MAML3: variants seen among roughly 807,000 people sequenced by gnomAD.
MAML3 encodes the protein mastermind like transcriptional coactivator 3, also known as mastermind-like protein 3.
A neutral mutation model predicts 101.9 loss-of-function variants in MAML3; 27 were observed. That is an observed-to-expected ratio of 0.27 (90% CI 0.20 to 0.37). The LOEUF (loss-of-function observed/expected upper bound fraction) is 0.37. Among genes scored for constraint, MAML3 ranks in the 10% least tolerant of loss-of-function variants. The probability of loss-of-function intolerance (pLI) is 1.00; values close to 1 mark genes in which losing one functional copy is unlikely to be tolerated. For synonymous variants in MAML3, 501 were observed against 555.9 expected (o/e 0.90, Z 1.39); for missense variants, 1,316 against 1,444.9 (o/e 0.91, Z 1.45).
At chr4:139,806,123 A>C (rs549789368) in intron 2 of MAML3, among the ~76,000 whole-genome samples, 5 of 152,324 alleles carry the variant, frequency 3.3e-5, no homozygotes, top group Admixed American at 2.0e-4. Flanking sequence ...GTATAAAATA[A>C]TTAGAAGTTA....
Position 139,880,681 on chromosome 4 carries a change from T to G in MAML3, c.2079+8676A>C, listed in dbSNP as rs142067186. On this transcript the variant is annotated intron_variant, in intron 2 of 4. Coordinates refer to ENST00000509479, the MANE Select transcript of MAML3 (RefSeq NM_018717.5). Reference sequence around the variant, plus strand: ...TGTAAATTTTGTGTTAAGAGAGCACTTTTGGTTTTGTGAAACCCACTCTAT... The same window carrying G: ...TGTAAATTTTGTGTTAAGAGAGCACGTTTGGTTTTGTGAAACCCACTCTAT... Among the ~76,000 whole-genome samples, 459 of 152,320 alleles carry G rather than the reference T, an allele frequency of 3.0e-3. 2 individuals carry two copies. Among genetic ancestry groups the G allele is most frequent in the African/African-American group, 0.011 (443 of 41,564 alleles).
At chr4:140,118,294 C>T (rs2111020749) in intron 1 of MAML3, among the ~76,000 whole-genome samples, 1 of 152,152 alleles carries the variant, frequency 6.6e-6, no homozygotes, top group South Asian at 2.1e-4. Context: ...TTTATCCAGT[C>T]ACTTAGCCTC....
intron 1 of MAML3, among the ~76,000 whole-genome samples, chr4:140,049,084 T>C (rs1160431040): frequency 5.3e-5 from 8 of 152,062 alleles, no homozygotes; most frequent in South Asian, 2.1e-4. Flanking sequence ...ACAGGCAGTT[T>C]GGGGGCAGAA....
At chr4:139,998,451 T>C (rs566142612) in intron 1 of MAML3, among the ~76,000 whole-genome samples, 30 of 152,342 alleles carry the variant, frequency 2.0e-4, no homozygotes, top group Middle Eastern at 3.4e-3. Context: ...CATGGTTTCT[T>C]CCAGATCTTG....
chr4:139,927,657 T>C (rs1169573597), intron 1 of MAML3, among the ~76,000 whole-genome samples: 3 of 152,258 alleles, frequency 2.0e-5, no homozygotes, highest in East Asian at 3.8e-4. Flanking sequence ...AACTATGGAC[T>C]TCTGGCTATT....
chr4:140,124,731 C>T (rs1728659203), intron 1 of MAML3, among the ~76,000 whole-genome samples: 1 of 152,182 alleles, frequency 6.6e-6, no homozygotes, highest in African/African-American at 2.4e-5. Context: ...AGTTGGCCCT[C>T]CTTTGCAGTC....
intron 1 of MAML3, among the ~76,000 whole-genome samples, chr4:140,125,215 T>C (rs543652750): frequency 6.6e-6 from 1 of 152,314 alleles, no homozygotes; most frequent in South Asian, 2.1e-4. Flanking sequence ...AAGAACATTT[T>C]AAAATAAAAG....
chr4:140,076,180 A>G (rs1727762439), intron 1 of MAML3, among the ~76,000 whole-genome samples: 1 of 151,448 alleles, frequency 6.6e-6, no homozygotes, highest in Non-Finnish European at 1.5e-5. Context: ...TTATATATAT[A>G]TAATATAATA....
chr4:139,896,956 G>A (rs1056802770), intron 1 of MAML3, among the ~76,000 whole-genome samples: 6 of 152,100 alleles, frequency 3.9e-5, no homozygotes, highest in Non-Finnish European at 5.9e-5. Flanking sequence ...CTGCTGACAC[G>A]GGGGCCCCCA....
intron 3 of MAML3, among the ~76,000 whole-genome samples, chr4:139,729,799 C>A (rs1169965681): frequency 6.6e-6 from 1 of 152,146 alleles, no homozygotes; most frequent in African/African-American, 2.4e-5. Flanking sequence ...TAAGGTAAAG[C>A]TGTATTTGTG....
At chr4:139,860,127 C>T (rs1315979073) in intron 2 of MAML3, among the ~76,000 whole-genome samples, 1 of 152,248 alleles carries the variant, frequency 6.6e-6, no homozygotes, top group Non-Finnish European at 1.5e-5. Flanking sequence ...AACTCGAAAA[C>T]CCACAGCCTG....
At chr4:139,763,761 T>C (rs2111056972) in intron 2 of MAML3, among the ~76,000 whole-genome samples, 1 of 152,306 alleles carries the variant, frequency 6.6e-6, no homozygotes, top group Admixed American at 6.5e-5. Context: ...CTCTGCATGT[T>C]CAGAAATTTA....
chr4:139,902,028 T>C (rs941444791), intron 1 of MAML3, among the ~76,000 whole-genome samples: 5 of 152,164 alleles, frequency 3.3e-5, no homozygotes, highest in Non-Finnish European at 5.9e-5. Context: ...CACATGTTTA[T>C]CTCCCTTTGG....
chr4:140,083,853 G>T (rs535329201), intron 1 of MAML3, among the ~76,000 whole-genome samples: 1 of 151,314 alleles, frequency 6.6e-6, no homozygotes, highest in African/African-American at 2.4e-5. Context: ...CCTTAAGTTC[G>T]CCCCAACACA....
chr4:139,913,818 A>G (rs1560834249), intron 1 of MAML3, among the ~76,000 whole-genome samples: 1 of 152,218 alleles, frequency 6.6e-6, no homozygotes, highest in Non-Finnish European at 1.5e-5. Flanking sequence ...AACCTTGAAC[A>G]TCTGCCAAGT....
chr4:139,783,932 C>G (rs925188302), intron 2 of MAML3, among the ~76,000 whole-genome samples: 6 of 152,186 alleles, frequency 3.9e-5, no homozygotes, highest in African/African-American at 1.4e-4. Flanking sequence ...ACGCATTTAG[C>G]GGTCTGTTTT....
At chr4:140,137,848 C>T (rs115245655) in intron 1 of MAML3, among the ~76,000 whole-genome samples, 4 of 152,190 alleles carry the variant, frequency 2.6e-5, no homozygotes, top group Admixed American at 2.6e-4. Flanking sequence ...CAGATAAACA[C>T]GAACCCTACC....
intron 1 of MAML3, among the ~76,000 whole-genome samples, chr4:139,966,956 T>C (rs1578620688): frequency 6.6e-6 from 1 of 152,252 alleles, no homozygotes; most frequent in Middle Eastern, 3.4e-3. Flanking sequence ...AATAAAGATC[T>C]GAGGGACATA....
chr4:139,821,314 AC>A (rs1730968048), intron 2 of MAML3, among the ~76,000 whole-genome samples: 1 of 151,962 alleles, frequency 6.6e-6, no homozygotes, highest in African/African-American at 2.4e-5. Context: ...AGTGAGCATT[AC>A]CCCCTAAGCT....
Sources: gnomAD v4.1 joint callset for allele counts (sites outside exome capture counted in the v4.1 genomes callset) on GRCh38, gnomAD v4.1.1 for gene constraint, MANE v1.5 for transcripts, NCBI Gene and HGNC (gene_info 2026-07-23, HGNC 2026-07-21) for gene names.